Variants in NCAN observed in about 807,000 individuals in gnomAD.
NCAN encodes the protein neurocan core protein.
NCAN carries 47 observed loss-of-function variants against 121.8 expected under a neutral mutation model. The ratio of observed to expected loss-of-function variants is 0.39; its 90% confidence interval spans 0.31 to 0.49. The LOEUF is 0.49. NCAN is among the 20% of genes least tolerant of loss of function. The probability of loss-of-function intolerance (pLI) is 0.92; values close to 1 mark genes in which losing one functional copy is unlikely to be tolerated. For missense variants in NCAN, 1,517 were observed against 1,773.4 expected, an observed-to-expected ratio of 0.86 and a Z score of 2.60; for synonymous variants, 633 against 702.0, an observed-to-expected ratio of 0.90 and a Z score of 1.55.
At chr19:19,219,450 T>A (rs1287103804) in intron 3 of NCAN, 134 bp downstream of exon 3, 1 of 996,898 alleles carries the variant, frequency 1.0e-6, no homozygotes, top group Non-Finnish European at 1.4e-6. Flanking sequence ...ATCCCAGCAC[T>A]TTGGCAGGCC....
At position 19,226,863 on chromosome 19, in the gene NCAN, A is replaced by C. The variant is rs762819314; in HGVS notation, c.1450A>C (p.Lys484Gln). 2 of 1,612,956 alleles carry C rather than the reference A, an allele frequency of 1.2e-6. No individual in the cohort carries two copies. Among genetic ancestry groups the C allele is most frequent in the Non-Finnish European group, 1.7e-6 (2 of 1,179,816 alleles). The change falls in exon 7 of 15, where the codon AAA (lysine) becomes CAA (glutamine). Residue 484 changes from lysine to glutamine, a missense_variant. By Grantham distance (53) the Lys-to-Gln change is moderately conservative. Coordinates refer to ENST00000252575, the MANE Select transcript of NCAN (RefSeq NM_004386.3). The stretch of plus-strand genomic sequence containing the variant: ...TATGCCTAGGAGAAGGGGGCGCTTC[A>C]AAGGGTTGAATGGGCGCTACTTCCA... ...DPMPRRRGRF[K>Q]GLNGRYFQQQ...
Position 19,251,010 on chromosome 19 carries a change from T to C in NCAN, c.*1099T>C, listed in dbSNP as rs1233893138. On this transcript the variant is annotated 3_prime_UTR_variant, in exon 15 of 15. Transcript: ENST00000252575. ...CACATTTTTCTCTTGTAGATTTTAA[T>C]TTTTTAAGTGGGAAAGAACTCACCT... 1 of 152,240 alleles carries C rather than the reference T, an allele frequency of 6.6e-6. No homozygotes were observed. The highest frequency in any genetic ancestry group is 1.5e-5 in the Non-Finnish European group (1 of 68,066). 9.4% of individuals were successfully genotyped at this position (152,240 alleles called of 1,614,324 possible). A position where few individuals can be genotyped will look rare whatever the true frequency, so the allele number is the denominator to read the frequency against.
Position 19,228,113 on chromosome 19 carries a change from C to T in NCAN, c.2493C>T (p.Ser831=), listed in dbSNP as rs1246198496. Residue 831 remains serine, a synonymous_variant, in exon 8 of 15, where the codon TCC becomes TCT. Transcript: ENST00000252575. The part of the protein sequence containing the change: ...DEGPTVNPMD[S]TVTPAPSDAS... ...GACCCACTGTGAATCCCATGGATTC[C>T]ACAGTCACGCCGGCCCCCAGTGATG... 2 of 1,613,510 alleles carry T rather than the reference C, an allele frequency of 1.2e-6. No homozygotes were observed.
At chr19:19,214,521 G>A (rs1568592436) in intron 1 of NCAN, among the ~76,000 whole-genome samples, 1 of 152,080 alleles carries the variant, frequency 6.6e-6, no homozygotes, top group Non-Finnish European at 1.5e-5. Flanking sequence ...GTATACATGA[G>A]GCTTTGTGTC....
At chr19:19,219,435 C>T in intron 3 of NCAN, 119 bp downstream of exon 3, 2 of 1,123,954 alleles carry the variant, frequency 1.8e-6, no homozygotes, top group Non-Finnish European at 1.2e-6. Flanking sequence ...TGTCTCATGC[C>T]TGTAATCCCA....
At chr19:19,230,403 AT>A (rs5827436) in intron 8 of NCAN, among the ~76,000 whole-genome samples, 8 of 118,478 alleles carry the variant, frequency 6.8e-5, no homozygotes, top group Admixed American at 2.0e-4. Context: ...CCACCCCCAA[AT>A]TTTTTTTTTT....
chr19:19,216,580 G>C (rs756421817), intron 1 of NCAN, among the ~76,000 whole-genome samples: 3 of 152,036 alleles, frequency 2.0e-5, no homozygotes, highest in Admixed American at 6.6e-5. Flanking sequence ...AAAGTGCTAG[G>C]ATTACAGGCG....
At position 19,249,806 on chromosome 19, in the gene NCAN, C is replaced by A. The variant is rs777270210; in HGVS notation, c.3861C>A (p.His1287Gln). The A allele has an allele frequency of 6.2e-7, 1 of 1,612,096 alleles. No homozygotes were observed. The highest frequency in any genetic ancestry group is 1.7e-5 in the Admixed American group (1 of 59,452). Reference protein sequence around the residue: ...SHRMRRHHHHHQHHHQHHHHK... With the variant: ...SHRMRRHHHHQQHHHQHHHHK... ...GGATGCGGCGACACCACCACCACCA[C>A]CAACACCACCACCAGCATCACCACC... The change falls in exon 15 of 15, where the codon CAC (histidine) becomes CAA (glutamine). Residue 1287 changes from histidine (H) to glutamine (Q), a missense_variant. His to Gln is a conservative substitution (Grantham distance 24). Transcript: ENST00000252575.
In NCAN at chr19:19,225,238, C is replaced by T; in HGVS notation, c.1040C>T (p.Pro347Leu). The T allele has an allele frequency of 3.2e-6, 5 of 1,562,328 alleles. No homozygotes were observed. The highest frequency in any genetic ancestry group is 4.3e-6 in the Non-Finnish European group (5 of 1,165,224). Residue 347 changes from proline to leucine, a missense_variant, in exon 6 of 15, where the codon CCC becomes CTC. Transcript: ENST00000252575. The surrounding 1 kb of genome is among the most constrained non-coding windows in gnomAD (Gnocchi z 4.0). The part of the protein sequence containing the change: ...RFANRTGFPS[P>L]AERFDAYCFR... Reference sequence around the variant, plus strand: ...GCTAACCGGACCGGCTTCCCCTCACCCGCCGAGCGCTTCGACGCCTACTGC... The same window carrying T: ...GCTAACCGGACCGGCTTCCCCTCACTCGCCGAGCGCTTCGACGCCTACTGC...
At chr19:19,247,738 A>G (rs1490994876) in intron 13 of NCAN, among the ~76,000 whole-genome samples, 1 of 151,958 alleles carries the variant, frequency 6.6e-6, no homozygotes, top group Non-Finnish European at 1.5e-5. Flanking sequence ...CTTCATTCCC[A>G]TTGTGCCCTA....
intron 3 of NCAN, among the ~76,000 whole-genome samples, chr19:19,221,365 C>G (rs148781336): frequency 6.6e-6 from 1 of 151,504 alleles, no homozygotes; most frequent in East Asian, 1.9e-4. Context: ...GTCAGGAGTT[C>G]GAGACCAGCC....
chr19:19,232,071 G>A, intron 8 of NCAN, among the ~76,000 whole-genome samples: 1 of 152,090 alleles, frequency 6.6e-6, no homozygotes, highest in East Asian at 1.9e-4. Context: ...AGGGGAAGAA[G>A]CTCAATGCCC....
In NCAN at chr19:19,238,633, A is replaced by G. The variant is rs1041919866; in HGVS notation, c.3409+222A>G. On this transcript the variant is annotated intron_variant, in intron 11 of 14. Coordinates refer to ENST00000252575, the MANE Select transcript of NCAN (RefSeq NM_004386.3). ...TCATTCATTCATTCACCAAATATTT[A>G]CTGAGCACCTGCTATATGCCAGGCA... is the stretch of plus-strand genomic sequence containing the variant. The G allele has an allele frequency of 3.7e-5, 22 of 589,970 alleles. 1 individual carries two copies. In the Admixed American group the frequency reaches 4.4e-4, roughly 12 times the overall value. 36.5% of individuals were successfully genotyped at this position (589,970 alleles called of 1,614,324 possible). A position where few individuals can be genotyped will look rare whatever the true frequency, so the allele number is the denominator to read the frequency against.
chr19:19,228,372 C>T lies in NCAN; in HGVS notation c.2752C>T (p.His918Tyr). 5.6e-6 allele frequency: 9 copies of T among 1,613,872 alleles called. No individual in the cohort carries two copies. The highest frequency in any genetic ancestry group is 7.6e-6 in the Non-Finnish European group (9 of 1,180,030). ...AACATCAGGAGCTTCAGTGCCTCCG[C>T]ATCAGAGCAGTCCCCTAGGGAAACC... ...QGTSGASVPP[H>Y]QSSPLGKPAV... Residue 918 changes from histidine to tyrosine, a missense_variant, in exon 8 of 15, where the codon CAT (histidine) becomes TAT (tyrosine). Physicochemically the swap from His to Tyr is moderately conservative, Grantham distance 83. Coordinates refer to ENST00000252575, the MANE Select transcript of NCAN (RefSeq NM_004386.3).
intron 8 of NCAN, 90 bp downstream of exon 8, chr19:19,228,729 G>C (rs1484066026): frequency 7.1e-7 from 1 of 1,399,456 alleles, no homozygotes; most frequent in Non-Finnish European, 9.6e-7. Context: ...GGGAGGAATG[G>C]TTGTCCCTGG....
chr19:19,246,866 G>C (rs2060926248), intron 13 of NCAN, among the ~76,000 whole-genome samples: 1 of 152,040 alleles, frequency 6.6e-6, no homozygotes, highest in Non-Finnish European at 1.5e-5. Flanking sequence ...TATGTTGACA[G>C]CCTGTTGGCA....
chr19:19,231,979 C>CAA (rs11389559), intron 8 of NCAN, among the ~76,000 whole-genome samples: 298 of 143,954 alleles, frequency 2.1e-3, no homozygotes, highest in African/African-American at 7.1e-3. Context: ...GACTCCATCT[C>CAA]AAAAAAAAAA....
intron 2 of NCAN, among the ~76,000 whole-genome samples, 153 bp from the exon 3 acceptor site, chr19:19,218,762 G>A (rs143554451): frequency 4.6e-5 from 7 of 152,206 alleles, no homozygotes; most frequent in East Asian, 1.9e-4. Flanking sequence ...ATGAGCTATC[G>A]CGTCCAGCCA....
Position 19,224,210 on chromosome 19 carries a change from C to T in NCAN, c.650+15C>T, listed in dbSNP as rs2060826681. The stretch of plus-strand genomic sequence containing the variant: ...CGCACTGTTCGGTGAGGGGGATACA[C>T]AGGGCAGGGAGATGAAGACTAGCTC... On this transcript the variant is annotated intron_variant, in intron 4 of 14. Transcript: ENST00000252575. 2 of 1,585,436 alleles carry T rather than the reference C, an allele frequency of 1.3e-6. No homozygotes were observed. The highest frequency in any genetic ancestry group is 4.5e-5 in the East Asian group (2 of 44,276).
Sources: gnomAD v4.1 joint callset for allele counts (sites outside exome capture counted in the v4.1 genomes callset) on GRCh38, gnomAD v4.1.1 for gene constraint, Gnocchi (gnomAD v3.1) non-coding constraint, MANE v1.5 for transcripts, NCBI Gene and HGNC (gene_info 2026-07-23, HGNC 2026-07-21) for gene names.